Variants in ZNF385D observed in about 807,000 individuals in gnomAD.
The protein encoded by ZNF385D is zinc finger protein 659.
Under a neutral mutation model 35.8 loss-of-function variants are expected in ZNF385D, and 15 were observed. That is an observed-to-expected ratio of 0.42 (90% CI 0.28 to 0.64). The LOEUF is 0.64. Among genes scored for constraint, ZNF385D ranks in the 30% least tolerant of loss-of-function variants. The pLI, the probability that ZNF385D is intolerant of heterozygous loss-of-function variation, is 0.23. For synonymous variants in ZNF385D, 212 were observed against 186.8 expected (o/e 1.13, Z -1.10); for missense variants, 474 against 494.6 (o/e 0.96, Z 0.39).
intron 4 of ZNF385D, among the ~76,000 whole-genome samples, chr3:21,482,247 T>C (rs2125380399): frequency 6.6e-6 from 1 of 152,126 alleles, no homozygotes; most frequent in Non-Finnish European, 1.5e-5. Context: ...ATTCTCTAAA[T>C]CAGGAGTCAG....
chr3:21,541,041 T>G (rs1395180147), intron 3 of ZNF385D, among the ~76,000 whole-genome samples: 2 of 152,122 alleles, frequency 1.3e-5, no homozygotes, highest in Non-Finnish European at 2.9e-5. Flanking sequence ...CAGTGTTGGG[T>G]GTAAGTACAG....
chr3:21,488,786 A>G (rs890428193), intron 4 of ZNF385D, among the ~76,000 whole-genome samples: 1 of 152,080 alleles, frequency 6.6e-6, no homozygotes, highest in Non-Finnish European at 1.5e-5. Context: ...TTTTTTTCTT[A>G]GGCCAGAGTT....
chr3:22,021,631 C>T (rs1466620117), intron 3 of ZNF385D, among the ~76,000 whole-genome samples: 1 of 152,010 alleles, frequency 6.6e-6, no homozygotes, highest in African/African-American at 2.4e-5. Context: ...AAGTCTATAA[C>T]AAATACTCAA....
chr3:21,850,654 A>C (rs534822551), intron 3 of ZNF385D, among the ~76,000 whole-genome samples: 5 of 152,266 alleles, frequency 3.3e-5, no homozygotes, highest in African/African-American at 1.2e-4. Flanking sequence ...TAAAAGTTAG[A>C]AATTGAACAG....
At chr3:21,968,006 G>A (rs189109368) in intron 3 of ZNF385D, among the ~76,000 whole-genome samples, 5 of 152,336 alleles carry the variant, frequency 3.3e-5, no homozygotes, top group Middle Eastern at 6.8e-3. Flanking sequence ...AGACACTGAA[G>A]TAGGTAGGAA....
At chr3:21,941,035 G>A (rs1441219104) in intron 3 of ZNF385D, among the ~76,000 whole-genome samples, 3 of 152,144 alleles carry the variant, frequency 2.0e-5, no homozygotes, top group Non-Finnish European at 4.4e-5. Context: ...AGGGACAAAA[G>A]CAAATTATCT....
chr3:21,769,660 C>G (rs1337866109), intron 3 of ZNF385D, among the ~76,000 whole-genome samples: 1 of 126,376 alleles, frequency 7.9e-6, no homozygotes, highest in Admixed American at 8.4e-5. Context: ...GGCCATACTG[C>G]CCAAGGTAAT....
At chr3:21,558,285 G>A (rs150789161) in intron 3 of ZNF385D, among the ~76,000 whole-genome samples, 4,960 of 151,696 alleles carry the variant, frequency 0.033, 252 homozygotes, top group African/African-American at 0.11. Flanking sequence ...TTCTCTTGTG[G>A]GCATCTAGTG....
intron 3 of ZNF385D, among the ~76,000 whole-genome samples, chr3:22,107,097 T>C (rs947722016): frequency 3.3e-5 from 5 of 150,324 alleles, no homozygotes; most frequent in Non-Finnish European, 7.4e-5. Context: ...TGATCTTGGT[T>C]CACCACAACC....
At chr3:22,077,335 G>C (rs763217636) in intron 3 of ZNF385D, among the ~76,000 whole-genome samples, 2 of 151,866 alleles carry the variant, frequency 1.3e-5, no homozygotes, top group Non-Finnish European at 2.9e-5. Flanking sequence ...TGTCAAAAGA[G>C]CATCTTTTGG....
intron 4 of ZNF385D, among the ~76,000 whole-genome samples, chr3:21,505,588 T>C (rs1706714273): frequency 6.6e-6 from 1 of 152,094 alleles, no homozygotes; most frequent in South Asian, 2.1e-4. Context: ...CCACCAGACA[T>C]TGCCTAACAC....
At chr3:22,076,479 G>C (rs958127391) in intron 3 of ZNF385D, among the ~76,000 whole-genome samples, 1 of 151,808 alleles carries the variant, frequency 6.6e-6, no homozygotes, top group African/African-American at 2.4e-5. Context: ...CCAAAAGTGA[G>C]GCTTCCCATA....
At chr3:22,067,950 T>A (rs754056610) in intron 3 of ZNF385D, among the ~76,000 whole-genome samples, 14 of 151,762 alleles carry the variant, frequency 9.2e-5, no homozygotes, top group Non-Finnish European at 2.1e-4. Flanking sequence ...GAGGCAGAGG[T>A]TGCAGTGAGC....
At chr3:21,791,588 T>C (rs1335923746) in intron 3 of ZNF385D, among the ~76,000 whole-genome samples, 2 of 152,208 alleles carry the variant, frequency 1.3e-5, no homozygotes, top group African/African-American at 2.4e-5. Flanking sequence ...AGTTCCCCAG[T>C]GAACATTTTA....
At chr3:21,937,837 C>T (rs1257254931) in intron 3 of ZNF385D, among the ~76,000 whole-genome samples, 2 of 152,106 alleles carry the variant, frequency 1.3e-5, no homozygotes, top group Non-Finnish European at 2.9e-5. Flanking sequence ...TAATATAAGA[C>T]AATATGTATG....
chr3:22,141,583 G>T (rs184565413), intron 3 of ZNF385D, among the ~76,000 whole-genome samples: 3 of 152,204 alleles, frequency 2.0e-5, no homozygotes, highest in Admixed American at 6.5e-5. Flanking sequence ...GGGTCTCTGT[G>T]GTGGGACCCG....
At chr3:21,487,295 G>T (rs201116254) in intron 4 of ZNF385D, among the ~76,000 whole-genome samples, 4 of 151,510 alleles carry the variant, frequency 2.6e-5, no homozygotes, top group South Asian at 2.1e-4. Flanking sequence ...ATTGTAGTGG[G>T]TTTTTTTTCT....
At chr3:21,612,998 T>C (rs1291601997) in intron 2 of ZNF385D, among the ~76,000 whole-genome samples, 1 of 151,014 alleles carries the variant, frequency 6.6e-6, no homozygotes, top group African/African-American at 2.4e-5. Context: ...TTTTTCTTTT[T>C]TTTTTTTTTT....
At chr3:22,365,175 T>A (rs996600607) in intron 2 of ZNF385D, among the ~76,000 whole-genome samples, 1 of 152,038 alleles carries the variant, frequency 6.6e-6, no homozygotes. Flanking sequence ...TGGATGATGG[T>A]GATGTTTGCA....
Sources: allele counts gnomAD v4.1 joint callset (sites outside exome capture counted in the v4.1 genomes callset), GRCh38; gene constraint gnomAD v4.1.1; transcripts MANE v1.5; gene names NCBI Gene and HGNC (gene_info 2026-07-23, HGNC 2026-07-21).